Variants in PJA2 observed in about 807,000 individuals in gnomAD.
The protein encoded by PJA2 is praja ring finger ubiquitin ligase 2.
A neutral mutation model predicts 69.3 loss-of-function variants in PJA2; 25 were observed. The observed-to-expected ratio is 0.36, with a 90% confidence interval of 0.26 to 0.50. The LOEUF (loss-of-function observed/expected upper bound fraction) is 0.50. Ranked by LOEUF, PJA2 falls within the 20% of genes least tolerant of loss-of-function variation. The pLI is 0.96. For synonymous variants in PJA2, 308 were observed against 277.8 expected (o/e 1.11, Z -1.08); for missense variants, 809 against 830.2 (o/e 0.97, Z 0.31).
chr5:109,405,785 T>C (rs1049448313), intron 1 of PJA2, among the ~76,000 whole-genome samples: 12 of 152,198 alleles, frequency 7.9e-5, no homozygotes, highest in South Asian at 2.1e-4. Context: ...AGAAAACTTA[T>C]AGAAAAATCC....
At chr5:109,356,623 G>A (rs959253208) in intron 6 of PJA2, among the ~76,000 whole-genome samples, 5 of 151,958 alleles carry the variant, frequency 3.3e-5, no homozygotes, top group South Asian at 2.1e-4. Flanking sequence ...TTTCCAATCC[G>A]CATGTAGGTG....
At chr5:109,354,402 G>T (rs1389835150) in intron 7 of PJA2, among the ~76,000 whole-genome samples, 2 of 142,006 alleles carry the variant, frequency 1.4e-5, no homozygotes, top group Admixed American at 1.4e-4. Flanking sequence ...GATATCTAGA[G>T]ATATCTATAG....
intron 3 of PJA2, among the ~76,000 whole-genome samples, chr5:109,379,611 A>G (rs1582614761): frequency 6.6e-6 from 1 of 152,244 alleles, no homozygotes; most frequent in African/African-American, 2.4e-5. Flanking sequence ...TCTGCTTCCC[A>G]GTGATTTCCA....
At chr5:109,388,871 G>T (rs908367171) in intron 1 of PJA2, among the ~76,000 whole-genome samples, 2 of 152,058 alleles carry the variant, frequency 1.3e-5, no homozygotes, top group Admixed American at 1.3e-4. Flanking sequence ...TCCTTTTAGT[G>T]AATGAATTCC....
intron 5 of PJA2, among the ~76,000 whole-genome samples, chr5:109,364,834 T>C (rs1354991620): frequency 6.6e-6 from 1 of 151,198 alleles, no homozygotes; most frequent in Admixed American, 6.6e-5. Context: ...GCAAAGGATA[T>C]AATAATTAGC....
At chr5:109,401,478 A>G (rs1466613249) in intron 1 of PJA2, among the ~76,000 whole-genome samples, 1 of 152,172 alleles carries the variant, frequency 6.6e-6, no homozygotes, top group Non-Finnish European at 1.5e-5. Flanking sequence ...CAACAAATAA[A>G]ATAAAATTTA....
intron 1 of PJA2, among the ~76,000 whole-genome samples, chr5:109,388,113 T>G (rs1033798964): frequency 2.6e-5 from 4 of 152,130 alleles, no homozygotes; most frequent in African/African-American, 7.2e-5. Context: ...TGTGCAAGAA[T>G]AGGGTAATAA....
intron 1 of PJA2, among the ~76,000 whole-genome samples, chr5:109,400,105 C>CA (rs1747506114): frequency 2.0e-5 from 3 of 151,832 alleles, no homozygotes. Context: ...GCCTGACCAA[C>CA]ATAGTGATAC....
intron 1 of PJA2, among the ~76,000 whole-genome samples, chr5:109,399,400 G>C (rs370740659): frequency 5.3e-5 from 8 of 152,178 alleles, no homozygotes; most frequent in African/African-American, 1.9e-4. Context: ...CTACTGCTGG[G>C]GATAATGACA....
Position 109,362,914 on chromosome 5 carries a change from T to C in PJA2, c.1578A>G (p.Pro526=). Residue 526 remains proline, a synonymous_variant, in exon 6 of 10, where the codon CCA becomes CCG. Transcript: ENST00000361189. ...GNEPANEFAQ[P]AFMLDGNNNL... Reference sequence around the variant, plus strand: ...TATTGTTACCATCCAACATGAAAGCTGGCTGTGCAAATTCATTGGCAGGTT... The same window carrying C: ...TATTGTTACCATCCAACATGAAAGCCGGCTGTGCAAATTCATTGGCAGGTT... 1.9e-6 allele frequency: 3 copies of C among 1,613,860 alleles called. No homozygotes were observed. The highest frequency in any genetic ancestry group is 2.2e-5 in the South Asian group (2 of 91,000).
In PJA2 at chr5:109,385,124, G is replaced by GT. The variant is rs1270656260; in HGVS notation, c.-87-1605dup. On this transcript the variant is annotated intron_variant, in intron 1 of 9. Coordinates refer to ENST00000361189, the MANE Select transcript of PJA2 (RefSeq NM_014819.5). ...GCCACAGTGCCTGGCTGAAATGTGC[G>GT]TTTTATTCTGAGATGGAAAACCATC... Among the ~76,000 whole-genome samples, 7 of 152,280 alleles carry GT rather than the reference G, an allele frequency of 4.6e-5. No homozygotes were observed. In the East Asian group the frequency reaches 1.4e-3, roughly 29 times the overall value.
At chr5:109,384,467 T>C (rs1747116797) in intron 1 of PJA2, among the ~76,000 whole-genome samples, 1 of 152,204 alleles carries the variant, frequency 6.6e-6, no homozygotes. Context: ...AAAAGTACTA[T>C]TTGAGAAGTT....
intron 4 of PJA2, 104 bp downstream of exon 4, chr5:109,378,100 C>G: frequency 1.3e-6 from 1 of 776,494 alleles, no homozygotes. Flanking sequence ...GTCAAAATGT[C>G]TAATTCCCTG....
chr5:109,388,812 T>C (rs1747220234), intron 1 of PJA2, among the ~76,000 whole-genome samples: 1 of 152,184 alleles, frequency 6.6e-6, no homozygotes, highest in South Asian at 2.1e-4. Flanking sequence ...CCTAAAAACA[T>C]TTAAAATTCC....
chr5:109,370,873 T>C (rs562309957), intron 4 of PJA2, among the ~76,000 whole-genome samples: 1 of 152,294 alleles, frequency 6.6e-6, no homozygotes, highest in Middle Eastern at 3.4e-3. Context: ...ACTCAGAATA[T>C]GATCCTGTCC....
intron 1 of PJA2, among the ~76,000 whole-genome samples, chr5:109,388,799 T>C (rs1747219280): frequency 6.6e-6 from 1 of 152,190 alleles, no homozygotes; most frequent in Non-Finnish European, 1.5e-5. Context: ...GCCTCCAAAA[T>C]GCCCTAAAAA....
At chr5:109,364,703 C>A (rs1762559036) in intron 5 of PJA2, among the ~76,000 whole-genome samples, 1 of 141,888 alleles carries the variant, frequency 7.0e-6, no homozygotes, top group African/African-American at 2.5e-5. Context: ...ACACAAAACT[C>A]AAACTGAGAA....
chr5:109,388,614 C>T (rs1747215050), intron 1 of PJA2, among the ~76,000 whole-genome samples: 1 of 152,136 alleles, frequency 6.6e-6, no homozygotes, highest in Admixed American at 6.5e-5. Flanking sequence ...TGGATCTACA[C>T]CCTTATGACT....
intron 1 of PJA2, among the ~76,000 whole-genome samples, chr5:109,390,300 T>C (rs1426731793): frequency 1.3e-5 from 2 of 152,012 alleles, no homozygotes; most frequent in African/African-American, 4.8e-5. Context: ...TAGAATTATG[T>C]CTTCTTGATA....
Sources: gnomAD v4.1 joint callset for allele counts (sites outside exome capture counted in the v4.1 genomes callset) on GRCh38, gnomAD v4.1.1 for gene constraint, MANE v1.5 for transcripts, NCBI Gene and HGNC (gene_info 2026-07-23, HGNC 2026-07-21) for gene names.